Variants in KIF6 observed in about 807,000 individuals in gnomAD.
The protein encoded by KIF6 is kinesin-like protein KIF6.
Under a neutral mutation model 112.7 loss-of-function variants are expected in KIF6, and 106 were observed. The observed-to-expected ratio is 0.94, with a 90% confidence interval of 0.80 to 1.11. KIF6 has a LOEUF of 1.11. KIF6 is among the 50% of genes least tolerant of loss of function. The probability of loss-of-function intolerance (pLI) is 0.00; values close to 1 mark genes in which losing one functional copy is unlikely to be tolerated. For synonymous variants in KIF6, 339 were observed against 339.9 expected (o/e 1.00, Z 0.03); for missense variants, 929 against 964.0 (o/e 0.96, Z 0.48).
chr6:39,434,430 G>A (rs550654834), intron 13 of KIF6, among the ~76,000 whole-genome samples: 143 of 151,918 alleles, frequency 9.4e-4, no homozygotes, highest in African/African-American at 3.3e-3. Flanking sequence ...AATTAGCTGG[G>A]CATGGCAGCA....
chr6:39,659,289 G>A (rs868614199), intron 3 of KIF6, among the ~76,000 whole-genome samples: 37 of 152,246 alleles, frequency 2.4e-4, no homozygotes, highest in Non-Finnish European at 2.1e-4. Context: ...GAAAATATAT[G>A]TCCTATTTTG....
chr6:39,707,019 C>T (rs980156860), intron 3 of KIF6, among the ~76,000 whole-genome samples: 1 of 152,286 alleles, frequency 6.6e-6, no homozygotes, highest in African/African-American at 2.4e-5. Flanking sequence ...GAATAGTTCT[C>T]TGGACCCCAT....
At chr6:39,595,424 G>GGAT (rs1782198429) in intron 7 of KIF6, among the ~76,000 whole-genome samples, 1 of 152,108 alleles carries the variant, frequency 6.6e-6, no homozygotes, top group South Asian at 2.1e-4. Context: ...TGTAAGAGGG[G>GGAT]GATAGTAACT....
chr6:39,502,165 G>A (rs1776169484), intron 13 of KIF6, among the ~76,000 whole-genome samples: 1 of 152,196 alleles, frequency 6.6e-6, no homozygotes, highest in Non-Finnish European at 1.5e-5. Context: ...CAAGCCGGAA[G>A]AGATTGTGGG....
chr6:39,642,691 C>T (rs1285779719), intron 3 of KIF6, among the ~76,000 whole-genome samples: 2 of 152,048 alleles, frequency 1.3e-5, no homozygotes, highest in African/African-American at 4.8e-5. Context: ...TAAACAAGAA[C>T]GTAACCAAAA....
intron 3 of KIF6, among the ~76,000 whole-genome samples, chr6:39,682,189 A>G (rs1182103251): frequency 1.3e-5 from 2 of 152,246 alleles, no homozygotes; most frequent in Non-Finnish European, 2.9e-5. Context: ...ACTGTTATGC[A>G]TCGCTAAACA....
intron 12 of KIF6, among the ~76,000 whole-genome samples, 189 bp from the exon 13 acceptor site, chr6:39,540,410 A>T (rs557726371): frequency 6.6e-6 from 1 of 152,352 alleles, no homozygotes; most frequent in South Asian, 2.1e-4. Context: ...TCTATATAGC[A>T]CCACTGTATG....
In KIF6 at chr6:39,544,708, A is replaced by G; in HGVS notation, c.1288-15T>C. The G allele has an allele frequency of 1.3e-6, 2 of 1,530,230 alleles. No homozygotes were observed. Among genetic ancestry groups the G allele is most frequent in the Non-Finnish European group, 1.8e-6 (2 of 1,123,014 alleles). The allele number at this position is 1,530,230 out of a possible 1,614,324, so 94.8% of individuals were successfully genotyped here. A position where few individuals can be genotyped will look rare whatever the true frequency, so the allele number is the denominator to read the frequency against. On this transcript the variant is annotated splice_polypyrimidine_tract_variant and intron_variant, in intron 11 of 22. Transcript: ENST00000287152. Reference sequence around the variant, plus strand: ...TTCAATAGTTTCTGTAAGATAAAATAAGAGCTTAGTACCCATATCTCTAGT... The same window carrying G: ...TTCAATAGTTTCTGTAAGATAAAATGAGAGCTTAGTACCCATATCTCTAGT...
intron 13 of KIF6, among the ~76,000 whole-genome samples, chr6:39,506,601 C>G (rs899385462): frequency 1.3e-5 from 2 of 152,090 alleles, no homozygotes; most frequent in Non-Finnish European, 2.9e-5. Flanking sequence ...CTCGGAATTT[C>G]CTGAGTGATA....
At chr6:39,515,794 C>T (rs1241655096) in intron 13 of KIF6, among the ~76,000 whole-genome samples, 1 of 152,056 alleles carries the variant, frequency 6.6e-6, no homozygotes, top group Admixed American at 6.5e-5. Flanking sequence ...GGTCAAATTC[C>T]AAGACAATAA....
chr6:39,349,629 C>CTTTTTTT (rs1581641128), intron 19 of KIF6, among the ~76,000 whole-genome samples: 2 of 98,144 alleles, frequency 2.0e-5, no homozygotes, highest in South Asian at 3.7e-4. Flanking sequence ...TAATTTGTGG[C>CTTTTTTT]TCTTTTTTTT....
chr6:39,343,500 TG>T lies in KIF6; in HGVS notation c.2428+208del, dbSNP rs1763462695. The stretch of plus-strand genomic sequence containing the variant: ...GGAGCACCTGGGCCGCCCACCCACT[TG>T]GGCCTGTCTTGGTGTTTCTGATGCT... On this transcript the variant is annotated intron_variant, in intron 22 of 22. Coordinates refer to ENST00000287152, the MANE Select transcript of KIF6 (RefSeq NM_145027.6). The surrounding 1 kb of genome is among the most constrained non-coding windows in gnomAD (Gnocchi z 4.1). The T allele has an allele frequency of 2.0e-6, 3 of 1,496,222 alleles. No individual in the cohort carries two copies. The highest frequency in any genetic ancestry group is 8.9e-7 in the Non-Finnish European group (1 of 1,121,616). The allele number at this position is 1,496,222 out of a possible 1,614,324, so 92.7% of individuals were successfully genotyped here. A position where few individuals can be genotyped will look rare whatever the true frequency, so the allele number is the denominator to read the frequency against.
intron 5 of KIF6, among the ~76,000 whole-genome samples, chr6:39,616,677 T>C (rs746977272): frequency 1.1e-4 from 17 of 152,172 alleles, no homozygotes; most frequent in Admixed American, 1.1e-3. Context: ...TGCCTCCCAC[T>C]GAAAATCCTT....
At chr6:39,389,808 A>T (rs1228472654) in intron 15 of KIF6, among the ~76,000 whole-genome samples, 1 of 152,160 alleles carries the variant, frequency 6.6e-6, no homozygotes, top group African/African-American at 2.4e-5. Context: ...AGGTGGGTGG[A>T]TCACCTGAGG....
intron 14 of KIF6, among the ~76,000 whole-genome samples, chr6:39,424,173 G>T (rs1770592280): frequency 6.6e-6 from 1 of 152,084 alleles, no homozygotes; most frequent in African/African-American, 2.4e-5. Flanking sequence ...CTCTCATCTT[G>T]GGGACGTCCC....
chr6:39,491,115 A>C (rs1310126392), intron 13 of KIF6, among the ~76,000 whole-genome samples: 2 of 152,142 alleles, frequency 1.3e-5, no homozygotes, highest in African/African-American at 4.8e-5. Flanking sequence ...ACTCATTTGT[A>C]ATCATCAGAA....
At chr6:39,488,591 G>A (rs1036844382) in intron 13 of KIF6, among the ~76,000 whole-genome samples, 1 of 152,154 alleles carries the variant, frequency 6.6e-6, no homozygotes, top group Non-Finnish European at 1.5e-5. Flanking sequence ...GGAACTAAGA[G>A]CCTACAGACT....
At chr6:39,576,183 G>T (rs1780965360) in intron 10 of KIF6, among the ~76,000 whole-genome samples, 1 of 151,966 alleles carries the variant, frequency 6.6e-6, no homozygotes, top group Non-Finnish European at 1.5e-5. Context: ...GGAGTGCAAT[G>T]GTGCGATCTC....
At chr6:39,533,876 C>T (rs1300074724) in intron 13 of KIF6, among the ~76,000 whole-genome samples, 3 of 152,158 alleles carry the variant, frequency 2.0e-5, no homozygotes, top group Non-Finnish European at 2.9e-5. Context: ...TCCAGAGGAA[C>T]GATCAGACAG....
Sources: gnomAD v4.1 joint callset for allele counts (sites outside exome capture counted in the v4.1 genomes callset) on GRCh38, gnomAD v4.1.1 for gene constraint, Gnocchi (gnomAD v3.1) non-coding constraint, MANE v1.5 for transcripts, NCBI Gene and HGNC (gene_info 2026-07-23, HGNC 2026-07-21) for gene names.